TBC1D16: variants seen among roughly 807,000 people sequenced by gnomAD.
TBC1D16 encodes the protein TBC1 domain family member 16, also known as CTD-2529O21.1.
In TBC1D16, 58 loss-of-function variants were observed where a neutral mutation model predicts 74.7. The observed-to-expected ratio is 0.78, with a 90% confidence interval of 0.63 to 0.97. The LOEUF is 0.97. Among genes scored for constraint, TBC1D16 ranks in the 50% least tolerant of loss-of-function variants. TBC1D16 has a pLI of 0.00. For synonymous variants in TBC1D16, 493 were observed against 474.7 expected, an observed-to-expected ratio of 1.04 and a Z score of -0.50; for missense variants, 1,014 against 1,079.5, an observed-to-expected ratio of 0.94 and a Z score of 0.85.
At position 80,007,596 on chromosome 17, in the gene TBC1D16, GC is replaced by G. The variant is rs2035726215; in HGVS notation, c.779+2563del. ...GGGGCCATGGGGAGGGCCCTCCTCA[GC>G]CCAGGGTTCGGGGGAATAGAGAAGC... On this transcript the variant is annotated intron_variant, in intron 3 of 11. Coordinates refer to ENST00000310924, the MANE Select transcript of TBC1D16 (RefSeq NM_019020.4). The surrounding 1 kb of genome is among the most constrained non-coding windows in gnomAD (Gnocchi z 4.5). Among the ~76,000 whole-genome samples the G allele has an allele frequency of 6.6e-6, 1 of 152,192 alleles. No homozygotes were observed. The highest frequency in any genetic ancestry group is 2.4e-5 in the African/African-American group (1 of 41,460).
At chr17:79,973,029 C>T (rs2034178360) in intron 3 of TBC1D16, among the ~76,000 whole-genome samples, 1 of 152,098 alleles carries the variant, frequency 6.6e-6, no homozygotes, top group African/African-American at 2.4e-5. Context: ...TTGCAGTGAG[C>T]CGAGATCGTC....
At chr17:80,031,917 C>T (rs1389338542) in intron 1 of TBC1D16, among the ~76,000 whole-genome samples, 1 of 152,132 alleles carries the variant, frequency 6.6e-6, no homozygotes, top group African/African-American at 2.4e-5. Context: ...GTGAATGCAC[C>T]GCAAAACAAA....
chr17:79,955,347 C>T (rs932092903), intron 3 of TBC1D16, among the ~76,000 whole-genome samples: 3 of 152,096 alleles, frequency 2.0e-5, no homozygotes, highest in Admixed American at 1.3e-4. Flanking sequence ...GGGGTTGCAT[C>T]GTGTCTCTTC....
chr17:79,961,380 T>A lies in TBC1D16; in HGVS notation c.780-8562A>T, dbSNP rs1160981825. Among the ~76,000 whole-genome samples the A allele has an allele frequency of 3.3e-5, 5 of 152,222 alleles. No individual in the cohort carries two copies. The highest frequency in any genetic ancestry group is 7.3e-5 in the Non-Finnish European group (5 of 68,038). On this transcript the variant is annotated intron_variant, in intron 3 of 11. Transcript: ENST00000310924. The surrounding 1 kb of genome is among the most constrained non-coding windows in gnomAD (Gnocchi z 4.8). Reference sequence around the variant, plus strand: ...GCTGAGGACATGGAGGAACTGGAACTCTCACGGACTGCTGGTGGGAATGCA... The same window carrying A: ...GCTGAGGACATGGAGGAACTGGAACACTCACGGACTGCTGGTGGGAATGCA...
intron 1 of TBC1D16, among the ~76,000 whole-genome samples, chr17:80,017,189 T>C (rs1024453090): frequency 6.6e-5 from 10 of 152,052 alleles, no homozygotes; most frequent in Non-Finnish European, 1.0e-4. Context: ...AGAGAGTAAA[T>C]GCTTTGGACT....
At position 79,988,461 on chromosome 17, in the gene TBC1D16, G is replaced by A. The variant is rs1459815818; in HGVS notation, c.779+21699C>T. ...CTGGGCGTATGCCCAAGGGGCAGAG[G>A]GGGCAGCAACCGGACGGAAGCTGCC... On this transcript the variant is annotated intron_variant, in intron 3 of 11. Coordinates refer to ENST00000310924, the MANE Select transcript of TBC1D16 (RefSeq NM_019020.4). This position sits in a 1 kb window ranked among gnomAD's most constrained non-coding sequence, Gnocchi z 5.7. Among the ~76,000 whole-genome samples the A allele has an allele frequency of 6.6e-6, 1 of 152,216 alleles. No individual in the cohort carries two copies. The highest frequency in any genetic ancestry group is 1.5e-5 in the Non-Finnish European group (1 of 68,038).
chr17:79,977,840 G>A (rs2034395666), intron 3 of TBC1D16, among the ~76,000 whole-genome samples: 2 of 152,244 alleles, frequency 1.3e-5, no homozygotes, highest in Non-Finnish European at 2.9e-5. Context: ...GCAGAGCCCA[G>A]CCGGCTGTGC....
At chr17:79,955,202 A>G (rs1461821690) in intron 3 of TBC1D16, among the ~76,000 whole-genome samples, 2 of 152,136 alleles carry the variant, frequency 1.3e-5, no homozygotes, top group Non-Finnish European at 2.9e-5. Flanking sequence ...CTGGGGTTCC[A>G]TAAGCTCAAA....
Position 79,968,842 on chromosome 17 carries a change from C to CAAAA in TBC1D16, c.780-16028_780-16025dup, listed in dbSNP as rs34365366. On this transcript the variant is annotated intron_variant, in intron 3 of 11. Transcript: ENST00000310924. Reference sequence around the variant, plus strand: ...CACTCCACAGAGCCAGATGCCGTCTCAAAAAAAAAAAAAAAAAAAAAAAAA... The same window carrying CAAAA: ...CACTCCACAGAGCCAGATGCCGTCTCAAAAAAAAAAAAAAAAAAAAAAAAAAAAA... Among the ~76,000 whole-genome samples, 56 of 55,378 alleles carry CAAAA rather than the reference C, an allele frequency of 1.0e-3. 1 individual carries two copies. Among genetic ancestry groups the CAAAA allele is most frequent in the Non-Finnish European group, 1.3e-3 (42 of 33,272 alleles). 36.3% of individuals were successfully genotyped at this position (55,378 alleles called of 152,430 possible).
intron 8 of TBC1D16, 47 bp downstream of exon 8, chr17:79,948,825 G>A (rs758714348): frequency 1.2e-6 from 2 of 1,612,486 alleles, no homozygotes; most frequent in African/African-American, 2.7e-5. Flanking sequence ...GTCAGGTGAG[G>A]CTTGCAGACT....
intron 9 of TBC1D16, among the ~76,000 whole-genome samples, chr17:79,946,380 T>C (rs1229578464): frequency 6.6e-6 from 1 of 152,174 alleles, no homozygotes. Flanking sequence ...TGACGGCAGG[T>C]GGAGCTCAGG....
intron 5 of TBC1D16, among the ~76,000 whole-genome samples, 179 bp downstream of exon 5, chr17:79,951,271 C>T (rs1005158315): frequency 6.6e-6 from 1 of 152,192 alleles, no homozygotes; most frequent in Non-Finnish European, 1.5e-5. Context: ...TACCGAAAGC[C>T]CTGGGCAAAG....
chr17:80,020,745 C>T (rs1190375810), intron 1 of TBC1D16, among the ~76,000 whole-genome samples: 1 of 149,994 alleles, frequency 6.7e-6, no homozygotes, highest in Non-Finnish European at 1.5e-5. Flanking sequence ...TCATTATTTC[C>T]AGGATTACTG....
At chr17:79,972,951 G>A (rs1474592116) in intron 3 of TBC1D16, among the ~76,000 whole-genome samples, 1 of 152,138 alleles carries the variant, frequency 6.6e-6, no homozygotes, top group Admixed American at 6.5e-5. Flanking sequence ...GCATGGTGGT[G>A]CCTACCTGTA....
rs2031965010 is a variant in TBC1D16, at chr17:79,941,398, GACCAAC to G, written c.2056-297_2056-292del. 2.0e-5 allele frequency among the ~76,000 whole-genome samples: 3 copies of G among 152,158 alleles called. No individual in the cohort carries two copies. The South Asian group carries it at 6.2e-4, about 31-fold the overall frequency. The stretch of plus-strand genomic sequence containing the variant: ...GGGCTTCATTCAGGAGGGTGAACAG[GACCAAC>G]ACCAGCACAGGGCCGGGTGGCGTCC... On this transcript the variant is annotated intron_variant, in intron 11 of 11. Coordinates refer to ENST00000310924, the MANE Select transcript of TBC1D16 (RefSeq NM_019020.4). This position sits in a 1 kb window ranked among gnomAD's most constrained non-coding sequence, Gnocchi z 4.3.
intron 3 of TBC1D16, among the ~76,000 whole-genome samples, chr17:79,984,626 A>AAGGAAGGAAGGAAGGAAGGAAGGC (rs1352679570): frequency 1.4e-5 from 2 of 147,222 alleles, no homozygotes; most frequent in African/African-American, 5.0e-5. Flanking sequence ...GGAGTGAAGG[A>AAGGAAGGAAGGAAGGAAGGAAGGC]AGGAAGGAAG....
chr17:79,989,574 C>A (rs1172651098), intron 3 of TBC1D16, among the ~76,000 whole-genome samples: 3 of 152,260 alleles, frequency 2.0e-5, no homozygotes, highest in Non-Finnish European at 4.4e-5. Flanking sequence ...GGCAAACTGG[C>A]CTTGTGGAGT....
rs1297987570 is a variant in TBC1D16 at position 79,938,791 on chromosome 17, T to G, written c.*2068A>C. On this transcript the variant is annotated 3_prime_UTR_variant, in exon 12 of 12. Coordinates refer to ENST00000310924, the MANE Select transcript of TBC1D16 (RefSeq NM_019020.4). ...GCCAAGGGGAGAGCTGCAGGTGTGG[T>G]GTCCACCAAGGCTTGGAAAGGCACT... 1 of 152,244 alleles carries G rather than the reference T, an allele frequency of 6.6e-6. No homozygotes were observed. The highest frequency in any genetic ancestry group is 2.4e-5 in the African/African-American group (1 of 41,446). The allele number at this position is 152,244 out of a possible 1,614,324, so 9.4% of individuals were successfully genotyped here.
chr17:79,942,909 C>T (rs976417256), intron 10 of TBC1D16, among the ~76,000 whole-genome samples: 10 of 151,898 alleles, frequency 6.6e-5, no homozygotes, highest in African/African-American at 9.7e-5. Context: ...CTGCCAGCAA[C>T]GCGCTGTGTG....
Sources: gnomAD v4.1 joint callset for allele counts (sites outside exome capture counted in the v4.1 genomes callset) on GRCh38, gnomAD v4.1.1 for gene constraint, Gnocchi (gnomAD v3.1) non-coding constraint, MANE v1.5 for transcripts, NCBI Gene and HGNC (gene_info 2026-07-23, HGNC 2026-07-21) for gene names.